Variants in DZIP3 observed in about 807,000 individuals in gnomAD.
The protein encoded by DZIP3 is E3 ubiquitin-protein ligase DZIP3.
A neutral mutation model predicts 162.0 loss-of-function variants in DZIP3; 118 were observed. That is an observed-to-expected ratio of 0.73 (90% CI 0.63 to 0.85). DZIP3 has a LOEUF of 0.85. DZIP3 is among the 40% of genes least tolerant of loss of function. DZIP3 has a pLI of 0.00. For synonymous variants in DZIP3, 438 were observed against 458.6 expected, an observed-to-expected ratio of 0.96 and a Z score of 0.57; for missense variants, 1,331 against 1,407.0, an observed-to-expected ratio of 0.95 and a Z score of 0.86.
At chr3:108,638,612 C>T (rs1291493393) in intron 12 of DZIP3, among the ~76,000 whole-genome samples, 3 of 152,094 alleles carry the variant, frequency 2.0e-5, no homozygotes, top group African/African-American at 4.8e-5. Flanking sequence ...CCACTGTGCC[C>T]GGCCAATTTA....
chr3:108,614,249 A>AAAAT, intron 4 of DZIP3, among the ~76,000 whole-genome samples: 1 of 152,356 alleles, frequency 6.6e-6, no homozygotes, highest in South Asian at 2.1e-4. Flanking sequence ...ACCGAAAGCA[A>AAAAT]AAATATCCAA....
rs534117450 is a variant in DZIP3 at position 108,655,831 on chromosome 3, G to A, written c.2199+1521G>A. Among the ~76,000 whole-genome samples, 6 of 152,248 alleles carry A rather than the reference G, an allele frequency of 3.9e-5. No individual in the cohort carries two copies. The East Asian group carries it at 7.7e-4, about 20-fold the overall frequency. On this transcript the variant is annotated intron_variant, in intron 19 of 32. Transcript: ENST00000361582. ...CGCTTTTCTGACGGTCTCAGCAAAC[G>A]GCACACCAGGATATTATATCCCATG...
At chr3:108,686,349 C>A in intron 27 of DZIP3, 96 bp from the exon 28 acceptor site, 1 of 1,179,806 alleles carries the variant, frequency 8.5e-7, no homozygotes, top group Non-Finnish European at 1.1e-6. Context: ...AATGTGTATG[C>A]CAGTACGCTT....
At chr3:108,646,568 T>C (rs1942629316) in intron 14 of DZIP3, 49 bp from the exon 15 acceptor site, 3 of 1,306,042 alleles carry the variant, frequency 2.3e-6, no homozygotes, top group African/African-American at 1.5e-5. Flanking sequence ...AGACATTCAT[T>C]TGTTGCGTTT....
chr3:108,606,689 G>C (rs1300281232), intron 2 of DZIP3, among the ~76,000 whole-genome samples: 1 of 152,112 alleles, frequency 6.6e-6, no homozygotes, highest in Non-Finnish European at 1.5e-5. Flanking sequence ...AAAATTTTTG[G>C]GGTGTATTTT....
At chr3:108,631,087 T>TCTCC (rs1941861735) in intron 8 of DZIP3, among the ~76,000 whole-genome samples, 1 of 146,862 alleles carries the variant, frequency 6.8e-6, no homozygotes, top group African/African-American at 2.5e-5. Flanking sequence ...TCTCTCTCTC[T>TCTCC]CTCTCTCCTA....
intron 3 of DZIP3, 101 bp downstream of exon 3, chr3:108,608,259 T>TG: frequency 2.1e-6 from 2 of 932,438 alleles, no homozygotes; most frequent in Non-Finnish European, 3.3e-6. Context: ...CGTGTTAAAA[T>TG]TTTTTGAGTG....
At chr3:108,636,301 A>G (rs111666898) in intron 10 of DZIP3, among the ~76,000 whole-genome samples, 22 of 152,088 alleles carry the variant, frequency 1.4e-4, no homozygotes, top group African/African-American at 5.3e-4. Context: ...TATCTGATAG[A>G]AATTCAGTAA....
chr3:108,601,258 T>TGTGTGG (rs1226064181), intron 1 of DZIP3, among the ~76,000 whole-genome samples: 6 of 152,042 alleles, frequency 3.9e-5, no homozygotes, highest in South Asian at 2.1e-4. Context: ...GGTGTGTGGA[T>TGTGTGG]GTGTGGGTGT....
At chr3:108,611,373 G>A (rs765870910) in intron 4 of DZIP3, 44 bp downstream of exon 4, 2 of 1,588,656 alleles carry the variant, frequency 1.3e-6, no homozygotes, top group Non-Finnish European at 1.7e-6. Context: ...GCAGCTGTCT[G>A]TATATGACTT....
intron 19 of DZIP3, among the ~76,000 whole-genome samples, chr3:108,659,770 G>A (rs1943332264): frequency 6.6e-6 from 1 of 152,212 alleles, no homozygotes; most frequent in Admixed American, 6.5e-5. Flanking sequence ...TCCTTAAGCT[G>A]ATAAGCAACT....
chr3:108,635,567 ATAACTACATAATTATATATAAC>A lies in DZIP3; in HGVS notation c.918+620_918+641del, dbSNP rs1559745837. The stretch of plus-strand genomic sequence containing the variant: ...ATAAGTTATAATTATATATAACTGT[ATAACTACATAATTATATATAAC>A]TAACTACATAATTATATATAACTAT... On this transcript the variant is annotated intron_variant, in intron 10 of 32. Coordinates refer to ENST00000361582, the MANE Select transcript of DZIP3 (RefSeq NM_014648.4). Among the ~76,000 whole-genome samples, 6 of 147,590 alleles carry A rather than the reference ATAACTACATAATTATATATAAC, an allele frequency of 4.1e-5. No individual in the cohort carries two copies. In the East Asian group the frequency reaches 5.8e-4, roughly 14 times the overall value.
At chr3:108,605,712 G>T (rs975242398) in intron 2 of DZIP3, among the ~76,000 whole-genome samples, 4 of 152,172 alleles carry the variant, frequency 2.6e-5, no homozygotes, top group African/African-American at 4.8e-5. Flanking sequence ...CTCACTTCCT[G>T]CTTGCTGTGC....
intron 24 of DZIP3, among the ~76,000 whole-genome samples, chr3:108,674,981 T>A (rs978513578): frequency 1.3e-5 from 2 of 151,936 alleles, no homozygotes; most frequent in Non-Finnish European, 2.9e-5. Flanking sequence ...GATCAGTCTA[T>A]TTTTGCTTGC....
chr3:108,646,701 C>G (rs765464325), intron 15 of DZIP3, 52 bp downstream of exon 15: 3 of 1,280,886 alleles, frequency 2.3e-6, no homozygotes, highest in Admixed American at 5.0e-5. Flanking sequence ...CAAGGGATAC[C>G]TATGAAATTT....
At chr3:108,616,092 A>G (rs1324660032) in intron 4 of DZIP3, among the ~76,000 whole-genome samples, 1 of 152,084 alleles carries the variant, frequency 6.6e-6, no homozygotes, top group Non-Finnish European at 1.5e-5. Context: ...GTGAAACCCC[A>G]TCTCTACTAA....
intron 21 of DZIP3, among the ~76,000 whole-genome samples, chr3:108,664,216 G>T (rs1196407629): frequency 6.6e-6 from 1 of 152,322 alleles, no homozygotes. Context: ...CACAGGGGGA[G>T]AAAAGCCTGT....
chr3:108,692,780 A>T (rs1944745203), intron 32 of DZIP3, among the ~76,000 whole-genome samples: 1 of 152,058 alleles, frequency 6.6e-6, no homozygotes, highest in East Asian at 1.9e-4. Context: ...AAGTTCCCCC[A>T]GTTTATTACC....
At chr3:108,620,383 A>C (rs1307996331) in intron 5 of DZIP3, among the ~76,000 whole-genome samples, 1 of 152,242 alleles carries the variant, frequency 6.6e-6, no homozygotes, top group Non-Finnish European at 1.5e-5. Flanking sequence ...CACCTTTATC[A>C]GTTAGGGAAC....
Sources: allele counts gnomAD v4.1 joint callset (sites outside exome capture counted in the v4.1 genomes callset), GRCh38; gene constraint gnomAD v4.1.1; transcripts MANE v1.5; gene names NCBI Gene and HGNC (gene_info 2026-07-23, HGNC 2026-07-21).